The following ATP8B4 variants were observed in gnomAD, a reference collection of about 807,000 sequenced individuals.
ATP8B4 encodes the protein ATPase phospholipid transporting 8B4 (putative).
ATP8B4 carries 133 observed loss-of-function variants against 145.6 expected under a neutral mutation model. The observed-to-expected ratio is 0.91, with a 90% CI of 0.79 to 1.05. The LOEUF (loss-of-function observed/expected upper bound fraction) is 1.05, where lower values mean the gene tolerates loss of function less well. ATP8B4 is among the 50% of genes least tolerant of loss of function. ATP8B4 has a pLI of 0.00. For missense variants in ATP8B4, 1,458 were observed against 1,425.2 expected (o/e 1.02, Z -0.37); for synonymous variants, 507 against 492.9 (o/e 1.03, Z -0.38).
chr15:49,985,371 C>T (rs2046514280), intron 10 of ATP8B4, among the ~76,000 whole-genome samples: 1 of 152,192 alleles, frequency 6.6e-6, no homozygotes, highest in Non-Finnish European at 1.5e-5. Flanking sequence ...GCTGGGATTA[C>T]AGGCGTGAGC....
At chr15:50,171,883 A>T (rs1239030764) in intron 1 of ATP8B4, among the ~76,000 whole-genome samples, 1 of 152,204 alleles carries the variant, frequency 6.6e-6, no homozygotes. Context: ...AAAACAGGAG[A>T]TATTACAACT....
chr15:50,080,663 C>T (rs2054484962), intron 2 of ATP8B4, among the ~76,000 whole-genome samples: 1 of 151,932 alleles, frequency 6.6e-6, no homozygotes, highest in African/African-American at 2.4e-5. Context: ...GAACTCCTGG[C>T]CTCAAACAAT....
chr15:50,122,797 G>T (rs762469678), upstream of ATP8B4, among the ~76,000 whole-genome samples: 2 of 152,138 alleles, frequency 1.3e-5, no homozygotes, highest in Non-Finnish European at 2.9e-5. Context: ...AGTCTACACT[G>T]CAAACCTACT....
chr15:50,023,288 G>A (rs1490494982), intron 6 of ATP8B4, among the ~76,000 whole-genome samples: 1 of 152,126 alleles, frequency 6.6e-6, no homozygotes, highest in African/African-American at 2.4e-5. Context: ...TACTGGGAAC[G>A]ATATTTTCAA....
At chr15:49,893,854 TTG>T (rs2037099454) in intron 23 of ATP8B4, among the ~76,000 whole-genome samples, 1 of 152,258 alleles carries the variant, frequency 6.6e-6, no homozygotes, top group Non-Finnish European at 1.5e-5. Flanking sequence ...CATATGGTTA[TTG>T]TAACTACTGA....
rs1236199315 is a variant in ATP8B4 at position 50,075,921 on chromosome 15, T to A, written c.29-1736A>T. Among the ~76,000 whole-genome samples, 3 of 152,098 alleles carry A rather than the reference T, an allele frequency of 2.0e-5. No homozygotes were observed. In the East Asian group the frequency reaches 5.8e-4, roughly 29 times the overall value. On this transcript the variant is annotated intron_variant, in intron 2 of 27. Transcript: ENST00000284509. ...AATTGCTGACAGGAAAGCAAAAAAA[T>A]GTTACTGGGATGGTAGGAGCGAGGG...
At chr15:50,041,903 G>A (rs139979869) in intron 5 of ATP8B4, among the ~76,000 whole-genome samples, 1,635 of 152,164 alleles carry the variant, frequency 0.011, 27 homozygotes, top group African/African-American at 0.038. Context: ...TTGCGCCACT[G>A]CACTCCAGCT....
chr15:49,912,779 G>A (rs2039363688), intron 20 of ATP8B4, among the ~76,000 whole-genome samples: 1 of 151,974 alleles, frequency 6.6e-6, no homozygotes, highest in African/African-American at 2.4e-5. Flanking sequence ...GAACAAAAAA[G>A]TAACAAACTA....
intron 17 of ATP8B4, among the ~76,000 whole-genome samples, chr15:49,920,611 G>T (rs543762229): frequency 6.6e-6 from 1 of 152,308 alleles, no homozygotes; most frequent in Non-Finnish European, 1.5e-5. Context: ...TTTCTATGAG[G>T]TTAAAACATG....
intron 3 of ATP8B4, among the ~76,000 whole-genome samples, chr15:50,057,290 C>T (rs751434100): frequency 6.6e-6 from 1 of 152,200 alleles, no homozygotes; most frequent in Non-Finnish European, 1.5e-5. Context: ...CTTAAAAAAT[C>T]CAATGAGCTG....
chr15:49,876,164 C>T, intron 25 of ATP8B4, 114 bp downstream of exon 25: 1 of 1,384,416 alleles, frequency 7.2e-7, no homozygotes, highest in Non-Finnish European at 9.7e-7. Context: ...AAAAGGACAG[C>T]CCCAGTATTC....
intron 24 of ATP8B4, among the ~76,000 whole-genome samples, chr15:49,877,000 T>G (rs139416068): frequency 1.3e-3 from 202 of 152,108 alleles, no homozygotes; most frequent in African/African-American, 4.7e-3. Flanking sequence ...AGCTCATGAC[T>G]TTGGAGGGAA....
chr15:50,114,703 T>C (rs764065068), intron 1 of ATP8B4, among the ~76,000 whole-genome samples: 1 of 152,186 alleles, frequency 6.6e-6, no homozygotes, highest in African/African-American at 2.4e-5. Flanking sequence ...GAGTAACTCA[T>C]AGGATCACTA....
chr15:50,041,227 A>G (rs1363389294), intron 5 of ATP8B4, among the ~76,000 whole-genome samples: 4 of 152,180 alleles, frequency 2.6e-5, no homozygotes, highest in Non-Finnish European at 1.5e-5. Context: ...CCACACATTT[A>G]CTCCAAAGAT....
At position 49,876,363 on chromosome 15, in the gene ATP8B4, G is replaced by C; in HGVS notation, c.2942C>G (p.Ala981Gly). Reference protein sequence around the residue: ...FIPYGAFYNVAGEDGQHIADY... With the variant: ...FIPYGAFYNVGGEDGQHIADY... ...AGCAATATGTTGCCCATCTTCTCCA[G>C]CCACGTTGTAAAAGGCCCCATAGGG... The change falls in exon 25 of 28, where the codon GCT becomes GGT. Residue 981 changes from alanine (A) to glycine (G), a missense_variant. By Grantham distance (60) the Ala-to-Gly change is moderately conservative. Coordinates refer to ENST00000284509, the MANE Select transcript of ATP8B4 (RefSeq NM_024837.4). 1 of 1,614,086 alleles carries C rather than the reference G, an allele frequency of 6.2e-7. No individual in the cohort carries two copies. The highest frequency in any genetic ancestry group is 8.5e-7 in the Non-Finnish European group (1 of 1,179,980).
intron 2 of ATP8B4, among the ~76,000 whole-genome samples, chr15:50,086,143 C>A (rs2055027628): frequency 2.6e-5 from 2 of 77,256 alleles, no homozygotes; most frequent in African/African-American, 5.8e-5. Flanking sequence ...TAAAATAGAT[C>A]TATATTTATT....
intron 12 of ATP8B4, among the ~76,000 whole-genome samples, chr15:49,975,225 C>G (rs1246646858): frequency 1.3e-5 from 2 of 151,944 alleles, no homozygotes; most frequent in Non-Finnish European, 2.9e-5. Context: ...TTTAGGAATT[C>G]CATTTTTTAA....
chr15:50,003,328 G>C (rs370062319), intron 7 of ATP8B4, among the ~76,000 whole-genome samples: 7 of 146,580 alleles, frequency 4.8e-5, no homozygotes, highest in African/African-American at 1.8e-4. Flanking sequence ...GTCTAAACTG[G>C]GATAAAACAG....
At chr15:50,049,355 G>A (rs1422760932) in intron 3 of ATP8B4, among the ~76,000 whole-genome samples, 1 of 152,066 alleles carries the variant, frequency 6.6e-6, no homozygotes, top group East Asian at 1.9e-4. Flanking sequence ...ATATGTCCAT[G>A]AGTACTCATT....
Sources: allele counts gnomAD v4.1 joint callset (sites outside exome capture counted in the v4.1 genomes callset), GRCh38; gene constraint gnomAD v4.1.1; transcripts MANE v1.5; gene names NCBI Gene and HGNC (gene_info 2026-07-23, HGNC 2026-07-21).